The following FOXJ3 variants were observed in gnomAD, a reference collection of about 807,000 sequenced individuals.
The protein encoded by FOXJ3 is forkhead box J3, also known as forkhead box protein J3.
FOXJ3 carries 22 observed loss-of-function variants against 76.1 expected under a neutral mutation model. That is an observed-to-expected ratio of 0.29 (90% CI 0.21 to 0.41). FOXJ3 has a LOEUF of 0.41. FOXJ3 is among the 10% of genes least tolerant of loss of function. The probability of loss-of-function intolerance (pLI) is 1.00; values close to 1 mark genes in which losing one functional copy is unlikely to be tolerated. For synonymous variants in FOXJ3, 269 were observed against 261.2 expected (o/e 1.03, Z -0.29); for missense variants, 613 against 762.1 (o/e 0.80, Z 2.30).
chr1:42,330,815 T>C (rs186468489), intron 1 of FOXJ3, among the ~76,000 whole-genome samples: 2 of 152,314 alleles, frequency 1.3e-5, no homozygotes, highest in Non-Finnish European at 2.9e-5. Context: ...TACTTAAGTG[T>C]ACAACCCTAA....
chr1:42,315,638 C>G (rs1336626991), intron 1 of FOXJ3, among the ~76,000 whole-genome samples: 2 of 152,174 alleles, frequency 1.3e-5, no homozygotes, highest in Non-Finnish European at 2.9e-5. Context: ...ACTGAAAGAA[C>G]AAACATATAT....
intron 12 of FOXJ3, among the ~76,000 whole-genome samples, chr1:42,181,002 C>T (rs949581815): frequency 1.3e-5 from 2 of 152,274 alleles, no homozygotes; most frequent in African/African-American, 4.8e-5. Context: ...CTTCCCCCTT[C>T]AGCAAAGGAC....
At chr1:42,324,132 A>ATATACAGTATATATAC (rs1655650548) in intron 1 of FOXJ3, among the ~76,000 whole-genome samples, 1 of 144,822 alleles carries the variant, frequency 6.9e-6, no homozygotes, top group Non-Finnish European at 1.5e-5. Flanking sequence ...CACAGTGTAT[A>ATATACAGTATATATAC]TACAGTATAT....
At chr1:42,251,316 C>T (rs948480312) in intron 4 of FOXJ3, among the ~76,000 whole-genome samples, 31 of 152,060 alleles carry the variant, frequency 2.0e-4, no homozygotes, top group Admixed American at 6.5e-4. Flanking sequence ...ATTGAAAACT[C>T]GGACAAGTGG....
intron 1 of FOXJ3, among the ~76,000 whole-genome samples, chr1:42,324,498 G>A (rs1325419458): frequency 6.6e-6 from 1 of 151,478 alleles, no homozygotes; most frequent in Non-Finnish European, 1.5e-5. Context: ...TCCTTTATTA[G>A]TACAGTGATG....
intron 6 of FOXJ3, among the ~76,000 whole-genome samples, chr1:42,200,863 T>C (rs914135736): frequency 6.6e-6 from 1 of 152,124 alleles, no homozygotes; most frequent in Non-Finnish European, 1.5e-5. Flanking sequence ...ACCCACCTCC[T>C]CTCTCCCACA....
At chr1:42,185,204 C>T (rs114813471) in intron 11 of FOXJ3, among the ~76,000 whole-genome samples, 1,602 of 149,124 alleles carry the variant, frequency 0.011, 38 homozygotes, top group African/African-American at 0.039. Flanking sequence ...TCTCTGAATT[C>T]TTATTGCACT....
At chr1:42,269,563 C>CT (rs1651719752) in intron 3 of FOXJ3, among the ~76,000 whole-genome samples, 1 of 152,276 alleles carries the variant, frequency 6.6e-6, no homozygotes, top group Admixed American at 6.5e-5. Flanking sequence ...GACCTTTCTC[C>CT]TGAGTTCCTA....
rs555116693 is a variant in FOXJ3, at chr1:42,176,948, T to C, written c.*2762A>G. Reference sequence around the variant, plus strand: ...TTACAAGAACACACATGAATACATTTACATTTCAAAAACTGCCACAAATGC... The same window carrying C: ...TTACAAGAACACACATGAATACATTCACATTTCAAAAACTGCCACAAATGC... On this transcript the variant is annotated 3_prime_UTR_variant, in exon 13 of 13. Coordinates refer to ENST00000361346, the MANE Select transcript of FOXJ3 (RefSeq NM_014947.5). The C allele has an allele frequency of 6.5e-6, 1 of 152,800 alleles. No homozygotes were observed. Among genetic ancestry groups the C allele is most frequent in the East Asian group, 1.9e-4 (1 of 5,190 alleles). The allele number at this position is 152,800 out of a possible 1,614,324, so 9.5% of individuals were successfully genotyped here.
intron 5 of FOXJ3, among the ~76,000 whole-genome samples, chr1:42,221,510 T>C (rs764875415): frequency 5.9e-5 from 9 of 152,118 alleles, no homozygotes; most frequent in Non-Finnish European, 1.2e-4. Context: ...GGCTGGAGTA[T>C]AGTGGCACAA....
At chr1:42,320,774 A>G (rs1331243503) in intron 1 of FOXJ3, among the ~76,000 whole-genome samples, 2 of 152,212 alleles carry the variant, frequency 1.3e-5, no homozygotes, top group Non-Finnish European at 2.9e-5. Flanking sequence ...TTTAAGCAAC[A>G]TTTAAAGGTA....
chr1:42,181,829 T>A lies in FOXJ3; in HGVS notation c.1753+88A>T, dbSNP rs543566735. On this transcript the variant is annotated intron_variant, in intron 12 of 12. Coordinates refer to ENST00000361346, the MANE Select transcript of FOXJ3 (RefSeq NM_014947.5). ...TAATAACTGACACACACACACACAC[T>A]CTCTCTCTCACCTGCCATCGTTGTT... 1.1e-3 allele frequency: 754 copies of A among 698,358 alleles called. No homozygotes were observed. Among genetic ancestry groups the A allele is most frequent in the African/African-American group, 3.5e-3 (155 of 44,838 alleles). 43.3% of individuals were successfully genotyped at this position (698,358 alleles called of 1,614,324 possible).
intron 1 of FOXJ3, among the ~76,000 whole-genome samples, chr1:42,320,208 A>G (rs1655351662): frequency 6.6e-6 from 1 of 152,140 alleles, no homozygotes; most frequent in Non-Finnish European, 1.5e-5. Flanking sequence ...AGAGGTGGTG[A>G]GCGTGGGGGA....
At chr1:42,272,910 C>G (rs1009951078) in intron 3 of FOXJ3, among the ~76,000 whole-genome samples, 8 of 152,174 alleles carry the variant, frequency 5.3e-5, no homozygotes, top group Non-Finnish European at 1.2e-4. Flanking sequence ...CAAGTGCTTC[C>G]TAACACTTGA....
intron 2 of FOXJ3, among the ~76,000 whole-genome samples, chr1:42,300,277 A>C (rs1654051962): frequency 6.6e-6 from 1 of 152,182 alleles, no homozygotes; most frequent in Non-Finnish European, 1.5e-5. Context: ...TTAGAGTTTC[A>C]ACTATATAAC....
chr1:42,220,532 C>T (rs1647160726), intron 5 of FOXJ3, among the ~76,000 whole-genome samples: 1 of 152,158 alleles, frequency 6.6e-6, no homozygotes, highest in Non-Finnish European at 1.5e-5. Flanking sequence ...GCAACTTTCT[C>T]CTCGAGGGCT....
chr1:42,274,269 T>C (rs1652089216), intron 3 of FOXJ3, among the ~76,000 whole-genome samples: 1 of 152,250 alleles, frequency 6.6e-6, no homozygotes, highest in African/African-American at 2.4e-5. Flanking sequence ...CATTGATTCA[T>C]GTTTCATTCA....
At chr1:42,277,283 G>A (rs1177628941) in intron 3 of FOXJ3, among the ~76,000 whole-genome samples, 1 of 151,734 alleles carries the variant, frequency 6.6e-6, no homozygotes, top group Non-Finnish European at 1.5e-5. Flanking sequence ...ATCTCTACAG[G>A]AAATTTAAAA....
At chr1:42,245,714 C>T (rs921399324) in intron 4 of FOXJ3, among the ~76,000 whole-genome samples, 1 of 68,950 alleles carries the variant, frequency 1.5e-5, no homozygotes, top group Non-Finnish European at 3.4e-5. Context: ...TAACATCATA[C>T]CAAACTGAAA....
Sources: allele counts gnomAD v4.1 joint callset (sites outside exome capture counted in the v4.1 genomes callset), GRCh38; gene constraint gnomAD v4.1.1; transcripts MANE v1.5; gene names NCBI Gene and HGNC (gene_info 2026-07-23, HGNC 2026-07-21).